The following NBEA variants were observed in gnomAD, a reference collection of about 807,000 sequenced individuals.
NBEA encodes neurobeachin.
In NBEA, 44 loss-of-function variants were observed where a neutral mutation model predicts 343.4. That is an observed-to-expected ratio of 0.13 (90% CI 0.10 to 0.16). NBEA has a LOEUF of 0.16. Ranked by LOEUF, NBEA falls within the 10% of genes least tolerant of loss-of-function variation. The pLI is 1.00. For synonymous variants in NBEA, 1,175 were observed against 1,238.7 expected (o/e 0.95, Z 1.08); for missense variants, 2,555 against 3,631.3 (o/e 0.70, Z 7.62).
chr13:35,393,069 C>T (rs1285043092), intron 38 of NBEA, among the ~76,000 whole-genome samples: 3 of 152,060 alleles, frequency 2.0e-5, no homozygotes. Context: ...TTTTTTACAA[C>T]CTCTCTAGAC....
At chr13:35,437,805 A>T (rs904157847) in intron 39 of NBEA, among the ~76,000 whole-genome samples, 1 of 152,204 alleles carries the variant, frequency 6.6e-6, no homozygotes, top group East Asian at 1.9e-4. Context: ...CTAATAGGGA[A>T]ATGATTGAAA....
At chr13:35,124,571 G>GATAT (rs1035541523) in intron 17 of NBEA, among the ~76,000 whole-genome samples, 1 of 146,912 alleles carries the variant, frequency 6.8e-6, no homozygotes, top group Non-Finnish European at 1.5e-5. Context: ...CATATATATG[G>GATAT]ATATATATAT....
At chr13:35,433,565 A>G (rs1392146004) in intron 39 of NBEA, among the ~76,000 whole-genome samples, 1 of 152,088 alleles carries the variant, frequency 6.6e-6, no homozygotes, top group African/African-American at 2.4e-5. Context: ...CCAGTAAGCT[A>G]TGAATTGCTA....
At chr13:35,108,645 A>C (rs888454190) in intron 11 of NBEA, among the ~76,000 whole-genome samples, 2 of 152,118 alleles carry the variant, frequency 1.3e-5, no homozygotes, top group Non-Finnish European at 2.9e-5. Context: ...CAGCAGCTCA[A>C]TGGCCACATA....
chr13:35,490,693 G>T (rs1206076090), intron 41 of NBEA, among the ~76,000 whole-genome samples: 1 of 151,888 alleles, frequency 6.6e-6, no homozygotes, highest in African/African-American at 2.4e-5. Flanking sequence ...GGCTAAAACT[G>T]AGTTTTTGTT....
chr13:35,212,553 T>C (rs774264017), intron 33 of NBEA, among the ~76,000 whole-genome samples: 1 of 152,120 alleles, frequency 6.6e-6, no homozygotes, highest in Non-Finnish European at 1.5e-5. Flanking sequence ...TAATTTGGAG[T>C]GTAATTGCTG....
chr13:35,503,389 T>C (rs562673938), intron 41 of NBEA, among the ~76,000 whole-genome samples: 42 of 152,046 alleles, frequency 2.8e-4, no homozygotes, highest in African/African-American at 8.9e-4. Context: ...AAGATTATTT[T>C]GTAACCCACA....
chr13:35,058,893 A>T (rs17775456), intron 8 of NBEA, 30 bp downstream of exon 8: 90,052 of 1,534,536 alleles, frequency 0.059, 3,036 homozygotes, highest in Non-Finnish European at 0.066. Context: ...TATAAATTCT[A>T]TGGAGAGTTT....
At chr13:35,570,250 C>G (rs1002789321) in intron 45 of NBEA, among the ~76,000 whole-genome samples, 3 of 152,198 alleles carry the variant, frequency 2.0e-5, no homozygotes, top group African/African-American at 7.2e-5. Flanking sequence ...TGGCCAGGCT[C>G]GTCTTGAACT....
At chr13:35,046,062 C>T (rs1401192702) in intron 4 of NBEA, among the ~76,000 whole-genome samples, 1 of 151,996 alleles carries the variant, frequency 6.6e-6, no homozygotes, top group Admixed American at 6.6e-5. Context: ...TTTCACTTCC[C>T]GTGATGCTTT....
At chr13:35,396,579 A>G (rs1315711017) in intron 38 of NBEA, among the ~76,000 whole-genome samples, 2 of 152,146 alleles carry the variant, frequency 1.3e-5, no homozygotes, top group African/African-American at 4.8e-5. Context: ...CTTATCAGAC[A>G]GGGTCTTAGT....
At chr13:35,014,896 G>T (rs1264170859) in intron 1 of NBEA, among the ~76,000 whole-genome samples, 1 of 151,952 alleles carries the variant, frequency 6.6e-6, no homozygotes, top group East Asian at 1.9e-4. Context: ...ACTGTCAGCA[G>T]CATGACCTTT....
intron 38 of NBEA, among the ~76,000 whole-genome samples, chr13:35,383,556 T>C (rs1309678692): frequency 6.6e-6 from 1 of 151,982 alleles, no homozygotes; most frequent in East Asian, 1.9e-4. Context: ...AGCTTTTAGA[T>C]TGAGAAGAAA....
rs76268212 is a variant in NBEA, at chr13:35,014,168, T to C, written c.295-26765T>C. ...AACTTTTTTTTTATCTCAAGCAGGTTCTGTGAATTGTAGGGACCAGAGAAC... is the reference window on the plus strand; with the variant it reads ...AACTTTTTTTTTATCTCAAGCAGGTCCTGTGAATTGTAGGGACCAGAGAAC... On this transcript the variant is annotated intron_variant, in intron 1 of 58. Coordinates refer to ENST00000379939, the MANE Select transcript of NBEA (RefSeq NM_001385012.1). Among the ~76,000 whole-genome samples the C allele has an allele frequency of 7.4e-3, 1,126 of 152,242 alleles. 12 individuals are homozygous for C. Among genetic ancestry groups the C allele is most frequent in the African/African-American group, 0.026 (1,066 of 41,544 alleles).
chr13:35,118,108 T>C (rs2066599225), intron 14 of NBEA, 120 bp from the exon 15 acceptor site: 2 of 580,910 alleles, frequency 3.4e-6, no homozygotes. Context: ...GGGATTTTAA[T>C]TAAAATATCA....
At chr13:35,337,625 G>GA (rs1186495649) in intron 36 of NBEA, among the ~76,000 whole-genome samples, 1 of 151,978 alleles carries the variant, frequency 6.6e-6, no homozygotes, top group African/African-American at 2.4e-5. Flanking sequence ...ATGTCACCTA[G>GA]ACCTCCCAGC....
At chr13:35,162,557 T>G (rs2069648901) in intron 23 of NBEA, among the ~76,000 whole-genome samples, 1 of 152,080 alleles carries the variant, frequency 6.6e-6, no homozygotes, top group South Asian at 2.1e-4. Flanking sequence ...TTCCTGTTTT[T>G]CCTCTGCCTC....
At chr13:34,975,744 C>T (rs1593332866) in intron 1 of NBEA, among the ~76,000 whole-genome samples, 1 of 151,908 alleles carries the variant, frequency 6.6e-6, no homozygotes, top group East Asian at 1.9e-4. Flanking sequence ...AAAAAAAATC[C>T]CATCAAAAAG....
intron 31 of NBEA, among the ~76,000 whole-genome samples, chr13:35,198,002 AAT>A (rs1480306350): frequency 6.6e-6 from 1 of 152,192 alleles, no homozygotes; most frequent in Admixed American, 6.5e-5. Flanking sequence ...TAATTGCTAT[AAT>A]AGATAAAATG....
Sources: allele counts gnomAD v4.1 joint callset (sites outside exome capture counted in the v4.1 genomes callset), GRCh38; gene constraint gnomAD v4.1.1; transcripts MANE v1.5; gene names NCBI Gene and HGNC (gene_info 2026-07-23, HGNC 2026-07-21).